CNTN5: variants seen among roughly 807,000 people sequenced by gnomAD.
CNTN5 encodes the protein contactin-5.
Under a neutral mutation model 129.1 loss-of-function variants are expected in CNTN5, and 77 were observed. The ratio of observed to expected loss-of-function variants is 0.60; its 90% confidence interval spans 0.50 to 0.72. CNTN5 has a LOEUF of 0.72. Ranked by LOEUF, CNTN5 falls within the 30% of genes least tolerant of loss-of-function variation. The pLI, the probability that CNTN5 is intolerant of heterozygous loss-of-function variation, is 0.00. For missense variants in CNTN5, 1,478 were observed against 1,328.8 expected, an observed-to-expected ratio of 1.11 and a Z score of -1.75; for synonymous variants, 509 against 465.6, an observed-to-expected ratio of 1.09 and a Z score of -1.20.
chr11:99,461,497 T>C (rs192169992), intron 2 of CNTN5, among the ~76,000 whole-genome samples: 6 of 152,274 alleles, frequency 3.9e-5, no homozygotes, highest in Admixed American at 3.9e-4. Context: ...AAAAAAAATC[T>C]GTAGAATACC....
At chr11:99,891,121 G>T (rs1949047527) in intron 6 of CNTN5, among the ~76,000 whole-genome samples, 1 of 152,056 alleles carries the variant, frequency 6.6e-6, no homozygotes. Context: ...CAAAACTTAG[G>T]AAATCTGAAT....
chr11:99,729,473 C>T (rs1192514455), intron 3 of CNTN5, among the ~76,000 whole-genome samples: 1 of 152,094 alleles, frequency 6.6e-6, no homozygotes, highest in Non-Finnish European at 1.5e-5. Context: ...AAGTAGGCCC[C>T]AGTGTCTGTT....
intron 4 of CNTN5, among the ~76,000 whole-genome samples, chr11:99,836,312 G>A (rs12289520): frequency 0.31 from 39,444 of 128,906 alleles, 6,216 homozygotes; most frequent in Middle Eastern, 0.44. Flanking sequence ...CCCCCGACAG[G>A]CCCTGGTGTG....
At chr11:99,615,700 A>G (rs557918688) in intron 3 of CNTN5, among the ~76,000 whole-genome samples, 1 of 152,206 alleles carries the variant, frequency 6.6e-6, no homozygotes, top group Admixed American at 6.5e-5. Flanking sequence ...ACAACATCAC[A>G]TTCAGGAAAT....
chr11:100,154,485 A>T (rs894643064), intron 13 of CNTN5, among the ~76,000 whole-genome samples: 3 of 152,096 alleles, frequency 2.0e-5, no homozygotes, highest in Admixed American at 1.3e-4. Context: ...ATAAACATAC[A>T]TGTGCAGATG....
At chr11:100,307,994 C>T (rs980166535) in intron 20 of CNTN5, among the ~76,000 whole-genome samples, 4 of 151,542 alleles carry the variant, frequency 2.6e-5, no homozygotes, top group African/African-American at 7.3e-5. Flanking sequence ...TGTTTTAAGG[C>T]CAAAAGCAAC....
intron 18 of CNTN5, among the ~76,000 whole-genome samples, chr11:100,280,011 A>G (rs1442750899): frequency 6.9e-6 from 1 of 144,686 alleles, no homozygotes; most frequent in East Asian, 2.0e-4. Flanking sequence ...CTGTGATTCC[A>G]TTATCATTTG....
At chr11:99,317,018 C>G (rs1184501254) in intron 1 of CNTN5, among the ~76,000 whole-genome samples, 2 of 152,124 alleles carry the variant, frequency 1.3e-5, no homozygotes, top group Admixed American at 1.3e-4. Flanking sequence ...GCTTTAGTTG[C>G]TCTCAGATTC....
At chr11:99,248,148 A>G (rs371322821) in intron 1 of CNTN5, among the ~76,000 whole-genome samples, 8 of 151,970 alleles carry the variant, frequency 5.3e-5, no homozygotes, top group African/African-American at 1.4e-4. Context: ...TTTAATGATC[A>G]CCATTCTAAC....
intron 1 of CNTN5, among the ~76,000 whole-genome samples, chr11:99,110,259 G>T (rs1565324943): frequency 6.6e-6 from 1 of 152,108 alleles, no homozygotes; most frequent in Admixed American, 6.6e-5. Flanking sequence ...GAAAGAAAGT[G>T]CATGATAATT....
intron 1 of CNTN5, among the ~76,000 whole-genome samples, chr11:99,294,972 C>T (rs960194942): frequency 7.9e-5 from 12 of 152,194 alleles, no homozygotes; most frequent in Non-Finnish European, 1.5e-4. Context: ...CAGTTACCAT[C>T]ATTTTGGGTT....
intron 8 of CNTN5, among the ~76,000 whole-genome samples, chr11:99,991,928 A>G (rs1428212056): frequency 6.6e-6 from 1 of 152,216 alleles, no homozygotes; most frequent in Non-Finnish European, 1.5e-5. Flanking sequence ...TAATAACCAC[A>G]GCCAGGAAGA....
chr11:99,410,919 T>G (rs548910862), intron 2 of CNTN5, among the ~76,000 whole-genome samples: 1 of 152,318 alleles, frequency 6.6e-6, no homozygotes, highest in South Asian at 2.1e-4. Context: ...CAACCTAATC[T>G]TAGAAGTTTC....
chr11:100,255,249 A>C (rs1950042435), intron 16 of CNTN5, among the ~76,000 whole-genome samples: 1 of 151,960 alleles, frequency 6.6e-6, no homozygotes, highest in African/African-American at 2.4e-5. Context: ...AACCTTTTGC[A>C]CCTCCCCTGT....
intron 1 of CNTN5, among the ~76,000 whole-genome samples, chr11:99,276,181 A>G (rs920075435): frequency 2.6e-5 from 4 of 151,722 alleles, no homozygotes; most frequent in Non-Finnish European, 5.9e-5. Flanking sequence ...TGATACAGGT[A>G]TAAGATGGAT....
At chr11:99,035,949 C>G (rs938152185) in intron 1 of CNTN5, among the ~76,000 whole-genome samples, 4 of 151,904 alleles carry the variant, frequency 2.6e-5, no homozygotes, top group African/African-American at 4.8e-5. Context: ...TTCTGGAGCT[C>G]TTTTAGGGCA....
chr11:99,615,914 T>C (rs1234196768), intron 3 of CNTN5, among the ~76,000 whole-genome samples: 1 of 151,922 alleles, frequency 6.6e-6, no homozygotes, highest in Non-Finnish European at 1.5e-5. Flanking sequence ...TTTTGTGCTT[T>C]TTGCCGAGAC....
At chr11:99,348,135 C>G (rs748262775) in intron 2 of CNTN5, among the ~76,000 whole-genome samples, 13 of 152,118 alleles carry the variant, frequency 8.5e-5, no homozygotes, top group Non-Finnish European at 1.2e-4. Context: ...GTCAGGAGAT[C>G]GAGACCATCC....
At chr11:99,238,328 T>C (rs1374962349) in intron 1 of CNTN5, among the ~76,000 whole-genome samples, 2 of 152,192 alleles carry the variant, frequency 1.3e-5, no homozygotes, top group Non-Finnish European at 2.9e-5. Context: ...CATGGGGCGT[T>C]TGACCTTGAT....
Sources: allele counts gnomAD v4.1 joint callset (sites outside exome capture counted in the v4.1 genomes callset), GRCh38; gene constraint gnomAD v4.1.1; transcripts MANE v1.5; gene names NCBI Gene and HGNC (gene_info 2026-07-23, HGNC 2026-07-21).